The following MYO15A variants were observed in gnomAD, a reference collection of about 807,000 sequenced individuals.
MYO15A encodes myosin XVA.
Under a neutral mutation model 394.6 loss-of-function variants are expected in MYO15A, and 308 were observed. That is an observed-to-expected ratio of 0.78 (90% CI 0.71 to 0.86). The LOEUF is 0.86. MYO15A is among the 40% of genes least tolerant of loss of function. The probability of loss-of-function intolerance (pLI) is 0.00; values close to 1 mark genes in which losing one functional copy is unlikely to be tolerated. For missense variants in MYO15A, 4,606 were observed against 4,799.1 expected, an observed-to-expected ratio of 0.96 and a Z score of 1.19; for synonymous variants, 1,957 against 2,003.8, an observed-to-expected ratio of 0.98 and a Z score of 0.62.
At position 18,131,205 on chromosome 17, in the gene MYO15A, C is replaced by G. The variant is rs768782492; in HGVS notation, c.4039-34C>G. On this transcript the variant is annotated intron_variant, in intron 8 of 65. Transcript: ENST00000647165. ...CCCAGGCCCCCAGAACAGTGCCTAG[C>G]CCCTCAATTCCCACATCTCCTTCTG... 4 of 1,589,174 alleles carry G rather than the reference C, an allele frequency of 2.5e-6. No homozygotes were observed. The African/African-American group carries it at 4.0e-5, about 16-fold the overall frequency.
chr17:18,156,155 C>A (rs2046671155), intron 47 of MYO15A, 40 bp from the exon 48 acceptor site: 1 of 1,613,580 alleles, frequency 6.2e-7, no homozygotes, highest in Middle Eastern at 1.7e-4. Flanking sequence ...AGGAGGGCAT[C>A]CCTCTGGCAG....
intron 60 of MYO15A, 129 bp downstream of exon 60, chr17:18,163,967 C>T: frequency 3.4e-6 from 3 of 883,010 alleles, no homozygotes; most frequent in Non-Finnish European, 5.5e-6. Context: ...CCTTGACCCC[C>T]ATGTGGAAGG....
rs1450367594 is a variant in MYO15A, at chr17:18,119,662, G to T, written c.862G>T (p.Asp288Tyr). Reference protein sequence around the residue: ...YYGYPPEDPYDYYHPDYYGGP... With the variant: ...YYGYPPEDPYYYYHPDYYGGP... Reference sequence around the variant, plus strand: ...CGGGTACCCGCCCGAGGATCCCTACGACTACTACCACCCCGACTATTACGG... The same window carrying T: ...CGGGTACCCGCCCGAGGATCCCTACTACTACTACCACCCCGACTATTACGG... The change falls in exon 2 of 66, where the codon GAC (aspartate) becomes TAC (tyrosine). Residue 288 changes from aspartate to tyrosine, a missense_variant. Physicochemically the swap from Asp to Tyr is radical, Grantham distance 160. Around this residue, in one of 2 missense-constraint regions of MYO15A, gnomAD observed 1,830 missense variants for 1,689.7 expected, o/e 1.08. Coordinates refer to ENST00000647165, the MANE Select transcript of MYO15A (RefSeq NM_016239.4). The T allele has an allele frequency of 6.2e-7, 1 of 1,605,236 alleles. No individual in the cohort carries two copies. The highest frequency in any genetic ancestry group is 8.5e-7 in the Non-Finnish European group (1 of 1,179,918).
In MYO15A at chr17:18,119,981, C is replaced by G. The variant is rs1597751653; in HGVS notation, c.1181C>G (p.Pro394Arg). 6.2e-7 allele frequency: 1 copy of G among 1,613,750 alleles called. No individual in the cohort carries two copies. Among genetic ancestry groups the G allele is most frequent in the Middle Eastern group, 1.7e-4 (1 of 6,060 alleles). Reference sequence around the variant, plus strand: ...GGCGGTGGGGACGAGGCCATCTACCCCCCCGAGGTGCCCTATTTTTACCCG... The same window carrying G: ...GGCGGTGGGGACGAGGCCATCTACCGCCCCGAGGTGCCCTATTTTTACCCG... The part of the protein sequence containing the change: ...VYGGGDEAIY[P>R]PEVPYFYPEE... Residue 394 changes from proline to arginine, a missense_variant, in exon 2 of 66, where the codon CCC becomes CGC. By Grantham distance (103) the Pro-to-Arg change is moderately radical. Transcript: ENST00000647165.
intron 4 of MYO15A, 176 bp downstream of exon 4, chr17:18,125,407 T>A: frequency 1.5e-6 from 1 of 674,540 alleles, no homozygotes; most frequent in Non-Finnish European, 2.6e-6. Context: ...GAATGGTGGA[T>A]GCCAGAGGCC....
At chr17:18,139,982 C>T (rs1319299485) in intron 19 of MYO15A, among the ~76,000 whole-genome samples, 2 of 152,230 alleles carry the variant, frequency 1.3e-5, no homozygotes, top group African/African-American at 4.8e-5. Flanking sequence ...GACCTGTTCC[C>T]CCAGTCCCAC....
chr17:18,121,937 C>T lies in MYO15A; in HGVS notation c.3137C>T (p.Pro1046Leu), dbSNP rs1259795987. ...GTCACTCCCCCCAAGGATATCACTC[C>T]CCCCAAGGATGTCCTCCCAGAGCAA... ...KDVTPPKDITPPKDVLPEQKT... is the reference protein window; with the variant it reads ...KDVTPPKDITLPKDVLPEQKT... The change falls in exon 2 of 66, where the codon CCC becomes CTC. Residue 1046 changes from proline (P) to leucine (L), a missense_variant. Around this residue, in one of 2 missense-constraint regions of MYO15A, gnomAD observed 1,830 missense variants for 1,689.7 expected, o/e 1.08. Coordinates refer to ENST00000647165, the MANE Select transcript of MYO15A (RefSeq NM_016239.4). The surrounding 1 kb of genome is among the most constrained non-coding windows in gnomAD (Gnocchi z 5.3). 2 of 1,613,280 alleles carry T rather than the reference C, an allele frequency of 1.2e-6. No individual in the cohort carries two copies. The highest frequency in any genetic ancestry group is 1.7e-5 in the Admixed American group (1 of 60,006).
chr17:18,125,389 C>A, intron 4 of MYO15A, 158 bp downstream of exon 4: 1 of 759,136 alleles, frequency 1.3e-6, no homozygotes, highest in Non-Finnish European at 2.3e-6. Context: ...TCTTAAAACA[C>A]AGTCTTAGAA....
Position 18,140,542 on chromosome 17 carries a change from A to ATGCCCCACAGGC in MYO15A, c.5244_5255dup (p.Ala1750_Gln1753dup). The stretch of plus-strand genomic sequence containing the variant: ...GTGGTGGCACACCTCTTCTCCAGCC[A>ATGCCCCACAGGC]TGCCCCACAGGCTGCCCCTCAGCGC... On this transcript the variant is annotated inframe_insertion, in exon 20 of 66. Coordinates refer to ENST00000647165, the MANE Select transcript of MYO15A (RefSeq NM_016239.4). 6.2e-7 allele frequency: 1 copy of ATGCCCCACAGGC among 1,613,610 alleles called. No homozygotes were observed. The highest frequency in any genetic ancestry group is 2.2e-5 in the East Asian group (1 of 44,882).
Position 18,119,037 on chromosome 17 carries a change from G to A in MYO15A, c.237G>A (p.Val79=). The A allele has an allele frequency of 5.6e-6, 9 of 1,612,562 alleles. No individual in the cohort carries two copies. The highest frequency in any genetic ancestry group is 7.6e-6 in the Non-Finnish European group (9 of 1,179,884). Residue 79 remains valine, a synonymous_variant, in exon 2 of 66, where the codon GTG becomes GTA. Coordinates refer to ENST00000647165, the MANE Select transcript of MYO15A (RefSeq NM_016239.4). ...AGCGCAAGAGGAAGGCCCGCACCGTGCTCAAGTCCACGTCAAAGCTCATGA... is the reference window on the plus strand; with the variant it reads ...AGCGCAAGAGGAAGGCCCGCACCGTACTCAAGTCCACGTCAAAGCTCATGA... ...KTKRKRKART[V]LKSTSKLMTQ... is the part of the protein sequence containing the mutation.
In MYO15A at chr17:18,173,784, T is replaced by C. The variant is rs1171513851; in HGVS notation, c.10354T>C (p.Leu3452=). The change falls in exon 65 of 66, where the codon TTG becomes CTG. Residue 3452 remains leucine (L), a synonymous_variant. Transcript: ENST00000647165. ...GCCCCTCTCCTCCTACTCCCAGGAA[T>C]TGATGGTGAAGTTCCCCCTGAAGGA... ...LNFLSTETHE[L]MVKFPLKEIQ... 1.9e-6 allele frequency: 3 copies of C among 1,613,934 alleles called. No individual in the cohort carries two copies. The South Asian group carries it at 3.3e-5, about 18-fold the overall frequency.
intron 60 of MYO15A, chr17:18,164,177 C>T (rs2046816441): frequency 1.1e-5 from 4 of 366,076 alleles, no homozygotes; most frequent in Non-Finnish European, 2.1e-5. Context: ...TATTATGGAA[C>T]CTATAGGAAC....
At chr17:18,168,748 C>T (rs2046892543) in intron 62 of MYO15A, among the ~76,000 whole-genome samples, 1 of 151,962 alleles carries the variant, frequency 6.6e-6, no homozygotes, top group Admixed American at 6.6e-5. Flanking sequence ...ATAATTAATG[C>T]TCACAATGTA....
In MYO15A at chr17:18,121,554, G is replaced by T; in HGVS notation, c.2754G>T (p.Thr918=). The change falls in exon 2 of 66, where the codon ACG becomes ACT. Residue 918 remains threonine (T), a synonymous_variant. Coordinates refer to ENST00000647165, the MANE Select transcript of MYO15A (RefSeq NM_016239.4). The surrounding 1 kb of genome is among the most constrained non-coding windows in gnomAD (Gnocchi z 5.3). ...ESPREPEDSE[T]PWTVPPLAPS... is the part of the protein sequence containing the mutation. ...CGCGAGAACCCGAGGACTCAGAGACGCCCTGGACTGTGCCCCCACTGGCCC... is the reference window on the plus strand; with the variant it reads ...CGCGAGAACCCGAGGACTCAGAGACTCCCTGGACTGTGCCCCCACTGGCCC... The T allele has an allele frequency of 6.3e-7, 1 of 1,585,670 alleles. No individual in the cohort carries two copies. Among genetic ancestry groups the T allele is most frequent in the Non-Finnish European group, 8.6e-7 (1 of 1,166,680 alleles).
At chr17:18,142,520 GT>G (rs1255854728) in intron 24 of MYO15A, among the ~76,000 whole-genome samples, 10 of 152,256 alleles carry the variant, frequency 6.6e-5, no homozygotes, top group Admixed American at 6.5e-4. Flanking sequence ...ATTATAAGCT[GT>G]TGGGAAATAA....
intron 1 of MYO15A, 53 bp from the exon 2 acceptor site, chr17:18,118,529 A>G (rs1376259405): frequency 3.6e-5 from 19 of 524,192 alleles, no homozygotes; most frequent in Middle Eastern, 5.1e-4. Context: ...CCTCATAGGC[A>G]GGCTTCCCCA....
Position 18,151,637 on chromosome 17 carries a change from A to C in MYO15A, c.7787+110A>C, listed in dbSNP as rs538078994. ...GCGCCCTGCCCAGCTCCTGTTAGGG[A>C]GGGAGTTTCTTTATACTGATGAGTC... is the stretch of plus-strand genomic sequence containing the variant. On this transcript the variant is annotated intron_variant, in intron 40 of 65. Transcript: ENST00000647165. 2.7e-6 allele frequency: 4 copies of C among 1,458,086 alleles called. No individual in the cohort carries two copies. The African/African-American group carries it at 4.2e-5, about 15-fold the overall frequency. 90.3% of individuals were successfully genotyped at this position (1,458,086 alleles called of 1,614,324 possible).
At position 18,141,090 on chromosome 17, in the gene MYO15A, G is replaced by A; in HGVS notation, c.5478G>A (p.Arg1826=). Residue 1826 remains arginine (R), a synonymous_variant, in exon 22 of 66, where the codon AGG becomes AGA. Transcript: ENST00000647165. ...ATTCAGGGGTGCTGGAGACCGTGAG[G>A]ATCCGCAAGGAGGGATTTCCAGTGC... is the stretch of plus-strand genomic sequence containing the variant. ...LRYSGVLETV[R]IRKEGFPVRL... is the part of the protein sequence containing the mutation. The A allele has an allele frequency of 2.5e-6, 4 of 1,614,022 alleles. No homozygotes were observed. Among genetic ancestry groups the A allele is most frequent in the South Asian group, 1.1e-5 (1 of 91,080 alleles).
At chr17:18,164,937 C>T (rs578018806) in intron 60 of MYO15A, 2 of 149,336 alleles carry the variant, frequency 1.3e-5, no homozygotes, top group Non-Finnish European at 3.0e-5. Flanking sequence ...GTCGGGAGTT[C>T]GAGACCAGCC....
Sources: gnomAD v4.1 joint callset for allele counts (sites outside exome capture counted in the v4.1 genomes callset) on GRCh38, gnomAD v4.1.1 for gene constraint, gnomAD v4.1.1 regional missense constraint, Gnocchi (gnomAD v3.1) non-coding constraint, MANE v1.5 for transcripts, NCBI Gene and HGNC (gene_info 2026-07-23, HGNC 2026-07-21) for gene names.